GRIP1: variants seen among roughly 807,000 people sequenced by gnomAD.
GRIP1 encodes glutamate receptor-interacting protein 1.
GRIP1 carries 45 observed loss-of-function variants against 129.9 expected under a neutral mutation model. That is an observed-to-expected ratio of 0.35 (90% CI 0.27 to 0.44). The LOEUF is 0.44. Ranked by LOEUF, GRIP1 falls within the 20% of genes least tolerant of loss-of-function variation. GRIP1 has a pLI of 1.00. For missense variants in GRIP1, 1,196 were observed against 1,396.8 expected (o/e 0.86, Z 2.29); for synonymous variants, 530 against 520.8 (o/e 1.02, Z -0.24).
At chr12:66,725,034 G>A (rs1480236073) in intron 1 of GRIP1, among the ~76,000 whole-genome samples, 1 of 152,206 alleles carries the variant, frequency 6.6e-6, no homozygotes, top group East Asian at 1.9e-4. Flanking sequence ...GCTCATGCCT[G>A]TAATCCCAGC....
chr12:66,434,667 C>A (rs1456762878), intron 13 of GRIP1, among the ~76,000 whole-genome samples: 2 of 152,230 alleles, frequency 1.3e-5, no homozygotes, highest in Non-Finnish European at 2.9e-5. Flanking sequence ...CAATCTATGC[C>A]TTTCCTGAGT....
chr12:66,416,922 T>A (rs150946898), intron 15 of GRIP1, among the ~76,000 whole-genome samples: 123 of 151,098 alleles, frequency 8.1e-4, no homozygotes, highest in African/African-American at 2.8e-3. Flanking sequence ...AGTATTACCA[T>A]GATAACAAAA....
chr12:66,449,907 TC>T (rs1481061525), intron 11 of GRIP1, among the ~76,000 whole-genome samples: 3 of 152,134 alleles, frequency 2.0e-5, no homozygotes, highest in African/African-American at 7.2e-5. Flanking sequence ...AATTTTTTTT[TC>T]CATTTGAGAT....
At chr12:66,477,654 C>T (rs1185131415) in intron 7 of GRIP1, among the ~76,000 whole-genome samples, 2 of 152,182 alleles carry the variant, frequency 1.3e-5, no homozygotes, top group Admixed American at 6.5e-5. Flanking sequence ...GTAACCAAAA[C>T]AGCATGGTAC....
chr12:66,977,080 A>G (rs987446904), intron 1 of GRIP1, among the ~76,000 whole-genome samples: 2 of 152,188 alleles, frequency 1.3e-5, no homozygotes, highest in Non-Finnish European at 2.9e-5. Context: ...CAGGTTGCTA[A>G]TTACAAGGAA....
intron 1 of GRIP1, among the ~76,000 whole-genome samples, chr12:66,926,488 C>T (rs1161600936): frequency 6.6e-6 from 1 of 152,176 alleles, no homozygotes; most frequent in Non-Finnish European, 1.5e-5. Flanking sequence ...CGAGTTCTGC[C>T]TCCATCATTT....
At chr12:66,890,961 G>A (rs1042374685) in intron 1 of GRIP1, among the ~76,000 whole-genome samples, 6 of 152,068 alleles carry the variant, frequency 3.9e-5, no homozygotes, top group African/African-American at 9.7e-5. Flanking sequence ...GAGAACATAT[G>A]GATTTGAAAG....
intron 1 of GRIP1, among the ~76,000 whole-genome samples, chr12:66,793,575 G>T (rs1042889405): frequency 5.3e-5 from 8 of 152,116 alleles, no homozygotes; most frequent in Non-Finnish European, 1.2e-4. Context: ...TACAAAAATG[G>T]TTAGTCATAA....
rs369544038 is a variant in GRIP1, at chr12:66,465,374, G to A, written c.773C>T (p.Thr258Ile). ...GGCAACCCCAAGGCTGGCACCAGGA[G>A]TTTTGGCAACTTCGACTAGTAGTGG... ...SGPLLVEVAK[T>I]PGASLGVALT... Residue 258 changes from threonine (T) to isoleucine (I), a missense_variant, in exon 8 of 25, where the codon ACT becomes ATT. Physicochemically the swap from Thr to Ile is moderately conservative, Grantham distance 89. Transcript: ENST00000359742. The A allele has an allele frequency of 4.2e-5, 68 of 1,614,012 alleles. No individual in the cohort carries two copies. The African/African-American group carries it at 8.7e-4, about 21-fold the overall frequency.
intron 1 of GRIP1, among the ~76,000 whole-genome samples, chr12:66,724,416 A>G (rs11833584): frequency 2.8e-4 from 42 of 152,322 alleles, no homozygotes; most frequent in African/African-American, 9.1e-4. Flanking sequence ...TGGCTAACTG[A>G]GGCACAGGAA....
intron 1 of GRIP1, among the ~76,000 whole-genome samples, chr12:66,933,694 A>G (rs2041437721): frequency 6.6e-6 from 1 of 152,192 alleles, no homozygotes; most frequent in Admixed American, 6.5e-5. Flanking sequence ...GTACATTCAT[A>G]CCCATAAATA....
At chr12:66,932,549 TC>T (rs1342539129) in intron 1 of GRIP1, among the ~76,000 whole-genome samples, 1 of 151,018 alleles carries the variant, frequency 6.6e-6, no homozygotes. Flanking sequence ...TAATTGGACA[TC>T]AACCCTGAAT....
At chr12:66,544,308 A>G (rs1004274046) in intron 2 of GRIP1, among the ~76,000 whole-genome samples, 6 of 152,192 alleles carry the variant, frequency 3.9e-5, no homozygotes, top group Admixed American at 1.3e-4. Context: ...TCATTGATTC[A>G]AGCACGTATT....
intron 1 of GRIP1, among the ~76,000 whole-genome samples, chr12:66,740,932 G>A (rs77094094): frequency 1.3e-5 from 2 of 152,118 alleles, no homozygotes; most frequent in Non-Finnish European, 2.9e-5. Context: ...AGATGCATAT[G>A]TGATATGGGC....
chr12:67,006,214 C>A (rs1390692040), intron 1 of GRIP1, among the ~76,000 whole-genome samples: 1 of 152,088 alleles, frequency 6.6e-6, no homozygotes, highest in East Asian at 1.9e-4. Flanking sequence ...AGTGAAAAAC[C>A]ACTTTCCCAA....
Position 66,506,601 on chromosome 12 carries a change from A to T in GRIP1, c.724+9018T>A, listed in dbSNP as rs545029672. Among the ~76,000 whole-genome samples the T allele has an allele frequency of 2.0e-5, 3 of 152,316 alleles. No homozygotes were observed. The South Asian group carries it at 6.2e-4, about 32-fold the overall frequency. ...ATGTTTCATTTCTTGACCTCGATGG[A>T]GAACACATAAATGAAAATTTAATAA... On this transcript the variant is annotated intron_variant, in intron 7 of 24. Coordinates refer to ENST00000359742, the MANE Select transcript of GRIP1 (RefSeq NM_001366722.1).
intron 1 of GRIP1, among the ~76,000 whole-genome samples, chr12:66,717,450 A>G (rs900256191): frequency 1.3e-5 from 2 of 152,002 alleles, no homozygotes; most frequent in African/African-American, 4.8e-5. Context: ...AAATGTACGC[A>G]TCTGATGTCA....
intron 1 of GRIP1, among the ~76,000 whole-genome samples, chr12:66,611,677 T>C (rs2139883084): frequency 6.6e-6 from 1 of 152,332 alleles, no homozygotes. Flanking sequence ...CTGAATTATG[T>C]AAACCTATTA....
chr12:66,959,121 T>C (rs2041886193), intron 1 of GRIP1, among the ~76,000 whole-genome samples: 1 of 152,222 alleles, frequency 6.6e-6, no homozygotes, highest in African/African-American at 2.4e-5. Flanking sequence ...TTTTAAAATA[T>C]TTATATGTAA....
Sources: gnomAD v4.1 joint callset for allele counts (sites outside exome capture counted in the v4.1 genomes callset) on GRCh38, gnomAD v4.1.1 for gene constraint, MANE v1.5 for transcripts, NCBI Gene and HGNC (gene_info 2026-07-23, HGNC 2026-07-21) for gene names.